ANKS1B: variants seen among roughly 807,000 people sequenced by gnomAD.
The protein encoded by ANKS1B is ankyrin repeat and sterile alpha motif domain-containing protein 1B.
In ANKS1B, 36 loss-of-function variants were observed where a neutral mutation model predicts 148.3. The ratio of observed to expected loss-of-function variants is 0.24; its 90% CI spans 0.19 to 0.32. The LOEUF is 0.32. ANKS1B is among the 10% of genes least tolerant of loss of function. The pLI, the probability that ANKS1B is intolerant of heterozygous loss-of-function variation, is 1.00. For synonymous variants in ANKS1B, 542 were observed against 560.8 expected (o/e 0.97, Z 0.47); for missense variants, 1,157 against 1,542.6 (o/e 0.75, Z 4.19).
At chr12:98,875,732 T>C (rs1410108613) in intron 17 of ANKS1B, among the ~76,000 whole-genome samples, 2 of 152,128 alleles carry the variant, frequency 1.3e-5, no homozygotes. Context: ...GCTGAATAAA[T>C]GGACCCAAAC....
intron 12 of ANKS1B, among the ~76,000 whole-genome samples, chr12:99,389,473 T>A (rs1020798532): frequency 6.6e-6 from 1 of 152,210 alleles, no homozygotes; most frequent in Non-Finnish European, 1.5e-5. Context: ...AAGACTCTTT[T>A]CCTCCTTTTG....
chr12:99,371,435 C>T (rs1015021498), intron 12 of ANKS1B, among the ~76,000 whole-genome samples: 1 of 151,988 alleles, frequency 6.6e-6, no homozygotes, highest in Admixed American at 6.6e-5. Context: ...AGAGATAAGA[C>T]ATGTGAGAAG....
At chr12:99,956,973 G>A (rs1216861817) in intron 1 of ANKS1B, among the ~76,000 whole-genome samples, 7 of 152,258 alleles carry the variant, frequency 4.6e-5, no homozygotes, top group African/African-American at 1.7e-4. Context: ...CTACAACTAC[G>A]ATTATCACTG....
chr12:99,559,910 G>T (rs2097314984), intron 9 of ANKS1B, among the ~76,000 whole-genome samples: 1 of 152,152 alleles, frequency 6.6e-6, no homozygotes, highest in Non-Finnish European at 1.5e-5. Context: ...CTCCTGAGAG[G>T]ATTTAAATCT....
intron 8 of ANKS1B, among the ~76,000 whole-genome samples, chr12:99,688,351 A>G (rs1259924221): frequency 6.6e-6 from 1 of 152,230 alleles, no homozygotes; most frequent in Non-Finnish European, 1.5e-5. Context: ...TAGGTGGGTA[A>G]TTGTAAGGCT....
chr12:99,533,980 G>T (rs551501327), intron 9 of ANKS1B, among the ~76,000 whole-genome samples: 17 of 152,042 alleles, frequency 1.1e-4, no homozygotes, highest in African/African-American at 4.1e-4. Context: ...TCCAATCCCT[G>T]TGCTATTTTA....
chr12:99,001,788 C>A (rs1051320804), intron 17 of ANKS1B, among the ~76,000 whole-genome samples: 2 of 152,194 alleles, frequency 1.3e-5, no homozygotes, highest in African/African-American at 4.8e-5. Context: ...AAGTTTACAT[C>A]CTTTGCTCAA....
chr12:99,381,700 G>T (rs114884782), intron 12 of ANKS1B, among the ~76,000 whole-genome samples: 394 of 152,336 alleles, frequency 2.6e-3, no homozygotes, highest in African/African-American at 9.2e-3. Context: ...ATCCAAAAGT[G>T]AGTCCAGGAA....
chr12:99,214,599 C>A (rs2153925184), intron 14 of ANKS1B, among the ~76,000 whole-genome samples: 1 of 152,328 alleles, frequency 6.6e-6, no homozygotes, highest in Non-Finnish European at 1.5e-5. Context: ...GCGTGTGGAA[C>A]TGTGAGTCCA....
intron 25 of ANKS1B, among the ~76,000 whole-genome samples, chr12:98,763,485 C>G (rs2098439855): frequency 6.6e-6 from 1 of 152,100 alleles, no homozygotes; most frequent in Admixed American, 6.5e-5. Context: ...CTAATTTTGG[C>G]TAACTAAAAG....
At chr12:99,618,742 T>C (rs1664972611) in intron 9 of ANKS1B, among the ~76,000 whole-genome samples, 1 of 152,072 alleles carries the variant, frequency 6.6e-6, no homozygotes, top group African/African-American at 2.4e-5. Context: ...CAGGAAATAC[T>C]GCAGACATTT....
rs563677672 is a variant in ANKS1B at position 99,098,760 on chromosome 12, TCCC to T, written c.2527-13740_2527-13738del. Among the ~76,000 whole-genome samples, 478 of 145,422 alleles carry T rather than the reference TCCC, an allele frequency of 3.3e-3. 7 individuals carry two copies. The highest frequency in any genetic ancestry group is 0.012 in the African/African-American group (448 of 38,910). ...GTGTGATGGCAGAAAAATTCAGGGT[TCCC>T]CCCCCCACCCCCAGCTCTGCCATTT... On this transcript the variant is annotated intron_variant, in intron 15 of 26. Transcript: ENST00000683438.
intron 1 of ANKS1B, among the ~76,000 whole-genome samples, chr12:99,846,171 G>A (rs1176823939): frequency 1.3e-5 from 2 of 151,724 alleles, no homozygotes; most frequent in Non-Finnish European, 2.9e-5. Context: ...TTGCTTTTTT[G>A]TTTTATAATC....
chr12:99,512,132 C>A (rs564997608), intron 9 of ANKS1B, among the ~76,000 whole-genome samples: 20 of 152,012 alleles, frequency 1.3e-4, no homozygotes, highest in Non-Finnish European at 2.6e-4. Context: ...AGACAACCTA[C>A]AGAGTGGGAT....
At position 98,942,259 on chromosome 12, in the gene ANKS1B, G is replaced by A. The variant is rs771381336; in HGVS notation, c.2779-110123C>T. 4.6e-5 allele frequency among the ~76,000 whole-genome samples: 7 copies of A among 151,640 alleles called. No individual in the cohort carries two copies. The East Asian group carries it at 7.8e-4, about 17-fold the overall frequency. Reference sequence around the variant, plus strand: ...CTGTCTTGGTGGGAGGTGGGGGAGCGGGGGGAGGGGGAAGAAAAAAAGAAA... The same window carrying A: ...CTGTCTTGGTGGGAGGTGGGGGAGCAGGGGGAGGGGGAAGAAAAAAAGAAA... On this transcript the variant is annotated intron_variant, in intron 17 of 26. Transcript: ENST00000683438.
At chr12:99,963,591 G>C (rs1300825556) in intron 1 of ANKS1B, among the ~76,000 whole-genome samples, 3 of 152,054 alleles carry the variant, frequency 2.0e-5, no homozygotes, top group Non-Finnish European at 4.4e-5. Flanking sequence ...CCATTTCTTT[G>C]CAATTAATGA....
chr12:99,984,224 T>A lies in ANKS1B; in HGVS notation c.14A>T (p.Gln5Leu). Residue 5 changes from glutamine (Q) to leucine (L), a missense_variant, in exon 1 of 27, where the codon CAG becomes CTG. Coordinates refer to ENST00000683438, the MANE Select transcript of ANKS1B (RefSeq NM_001352186.2). ...AGTGCGAGCAGCTTCCAGCAGCTCCTGGTCCTTCCCCATAGTCTCTCACCG... is the reference window on the plus strand; with the variant it reads ...AGTGCGAGCAGCTTCCAGCAGCTCCAGGTCCTTCCCCATAGTCTCTCACCG... The part of the protein sequence containing the change: MGKD[Q>L]ELLEAARTGN... 6.2e-7 allele frequency: 1 copy of A among 1,613,444 alleles called. No individual in the cohort carries two copies. Among genetic ancestry groups the A allele is most frequent in the Non-Finnish European group, 8.5e-7 (1 of 1,179,508 alleles).
chr12:99,604,115 T>C (rs1282530165), intron 9 of ANKS1B, among the ~76,000 whole-genome samples: 2 of 152,064 alleles, frequency 1.3e-5, no homozygotes, highest in African/African-American at 4.8e-5. Context: ...CTTAAAATGA[T>C]CATGGTTAGA....
rs150385536 is a variant in ANKS1B at position 98,951,856 on chromosome 12, C to T, written c.2778+101301G>A. Among the ~76,000 whole-genome samples, 48 of 152,282 alleles carry T rather than the reference C, an allele frequency of 3.2e-4. No individual in the cohort carries two copies. The East Asian group carries it at 4.2e-3, about 13-fold the overall frequency. ...ACATATTGATTTTTGTTTGATTATG[C>T]ATGATTTGTGTTTCTCTTTTTTCTT... On this transcript the variant is annotated intron_variant, in intron 17 of 26. Coordinates refer to ENST00000683438, the MANE Select transcript of ANKS1B (RefSeq NM_001352186.2).
Sources: gnomAD v4.1 joint callset for allele counts (sites outside exome capture counted in the v4.1 genomes callset) on GRCh38, gnomAD v4.1.1 for gene constraint, MANE v1.5 for transcripts, NCBI Gene and HGNC (gene_info 2026-07-23, HGNC 2026-07-21) for gene names.